Variants in PPP1R21 observed in about 807,000 individuals in gnomAD.
PPP1R21 encodes KLRAQ motif containing 1.
Under a neutral mutation model 112.8 loss-of-function variants are expected in PPP1R21, and 85 were observed. The observed-to-expected ratio is 0.75, with a 90% CI of 0.63 to 0.90. The LOEUF (loss-of-function observed/expected upper bound fraction) is 0.90. Ranked by LOEUF, PPP1R21 falls within the 40% of genes least tolerant of loss-of-function variation. PPP1R21 has a pLI of 0.00. For synonymous variants in PPP1R21, 381 were observed against 322.3 expected (o/e 1.18, Z -1.95); for missense variants, 1,199 against 901.5 (o/e 1.33, Z -4.23).
At chr2:48,499,876 T>C (rs1670028635) in intron 17 of PPP1R21, among the ~76,000 whole-genome samples, 1 of 152,212 alleles carries the variant, frequency 6.6e-6, no homozygotes, top group South Asian at 2.1e-4. Flanking sequence ...ATTAGGAAAA[T>C]CTAGAAAAAG....
chr2:48,476,272 G>C (rs558535500), intron 12 of PPP1R21, among the ~76,000 whole-genome samples: 1 of 152,260 alleles, frequency 6.6e-6, no homozygotes, highest in South Asian at 2.1e-4. Context: ...AAAAGTTGTA[G>C]CATGTATCAG....
At chr2:48,443,254 C>A (rs571647028) in intron 1 of PPP1R21, among the ~76,000 whole-genome samples, 1 of 152,128 alleles carries the variant, frequency 6.6e-6, no homozygotes, top group Non-Finnish European at 1.5e-5. Flanking sequence ...GGGAACATGA[C>A]TGCCACTGAC....
rs1670797749 is a variant in PPP1R21, at chr2:48,514,722, C to G, written c.2321C>G (p.Ser774Cys). Residue 774 changes from serine (S) to cysteine (C), a missense_variant, in exon 22 of 22, where the codon TCT (serine) becomes TGT (cysteine). By Grantham distance (112) the Ser-to-Cys change is moderately radical (BLOSUM62 -1). Transcript: ENST00000294952. ...DTLKMSSKGN[S>C]KKNKSR is the part of the protein sequence containing the mutation. ...ATATTTTTCTTTGCACAGGGGAATTCTAAAAAGAACAAGAGTCGATAGTTT... is the reference window on the plus strand; with the variant it reads ...ATATTTTTCTTTGCACAGGGGAATTGTAAAAAGAACAAGAGTCGATAGTTT... 2 of 1,607,756 alleles carry G rather than the reference C, an allele frequency of 1.2e-6. No homozygotes were observed. Among genetic ancestry groups the G allele is most frequent in the African/African-American group, 2.7e-5 (2 of 74,742 alleles).
chr2:48,474,109 G>A (rs188933327), intron 11 of PPP1R21, among the ~76,000 whole-genome samples: 9 of 152,282 alleles, frequency 5.9e-5, no homozygotes, highest in Admixed American at 3.9e-4. Flanking sequence ...ATGGCCGGGC[G>A]TGGTGGTTCA....
At chr2:48,451,111 G>A in intron 2 of PPP1R21, 35 bp downstream of exon 2, 1 of 1,562,750 alleles carries the variant, frequency 6.4e-7, no homozygotes, top group Non-Finnish European at 8.8e-7. Context: ...TGAGGGTTAA[G>A]TTAGCATTTG....
At chr2:48,513,683 C>T (rs1670738774) in intron 21 of PPP1R21, among the ~76,000 whole-genome samples, 1 of 152,136 alleles carries the variant, frequency 6.6e-6, no homozygotes, top group Non-Finnish European at 1.5e-5. Flanking sequence ...TTATGGCTGA[C>T]ATTGTCTGCA....
intron 2 of PPP1R21, among the ~76,000 whole-genome samples, chr2:48,453,290 G>A (rs1003119218): frequency 1.3e-5 from 2 of 152,084 alleles, no homozygotes; most frequent in Admixed American, 6.5e-5. Flanking sequence ...TCATCTGTTC[G>A]TTAAAGCATG....
chr2:48,501,955 A>G (rs1225111245), intron 17 of PPP1R21: 1 of 152,176 alleles, frequency 6.6e-6, no homozygotes. Flanking sequence ...TTTTCAGGTC[A>G]TTTTTGAGCA....
At chr2:48,501,870 G>A (rs1359363463) in intron 17 of PPP1R21, 1 of 151,684 alleles carries the variant, frequency 6.6e-6, no homozygotes, top group African/African-American at 2.4e-5. Flanking sequence ...CCTTACTGAG[G>A]TGCTGGAATT....
At chr2:48,512,261 G>A (rs1289864396) in intron 21 of PPP1R21, among the ~76,000 whole-genome samples, 1 of 152,092 alleles carries the variant, frequency 6.6e-6, no homozygotes, top group Non-Finnish European at 1.5e-5. Context: ...ATATGTTTAG[G>A]CTGAAATGCA....
intron 12 of PPP1R21, chr2:48,479,402 C>A: frequency 2.2e-6 from 1 of 446,384 alleles, no homozygotes; most frequent in Non-Finnish European, 4.6e-6. Context: ...TACAGATTTT[C>A]TTGAGTAAAT....
intron 20 of PPP1R21, among the ~76,000 whole-genome samples, chr2:48,510,720 C>T (rs984028440): frequency 2.0e-5 from 3 of 152,114 alleles, no homozygotes; most frequent in East Asian, 1.9e-4. Flanking sequence ...CTTTCAGGGA[C>T]GGTGCTGCCG....
At chr2:48,469,488 C>CATTT in intron 9 of PPP1R21, among the ~76,000 whole-genome samples, 1 of 44,766 alleles carries the variant, frequency 2.2e-5, no homozygotes, top group East Asian at 4.3e-4. Context: ...ATATATAGAG[C>CATTT]ATATATATAT....
intron 12 of PPP1R21, among the ~76,000 whole-genome samples, chr2:48,477,954 G>T (rs75808638): frequency 0.015 from 2,249 of 152,290 alleles, 53 homozygotes; most frequent in African/African-American, 0.049. Flanking sequence ...ATTAAAGAGA[G>T]TCCTAAATCC....
chr2:48,459,696 T>G, intron 4 of PPP1R21, 58 bp from the exon 5 acceptor site: 1 of 1,554,134 alleles, frequency 6.4e-7, no homozygotes, highest in Non-Finnish European at 8.7e-7. Flanking sequence ...TGCTGTTATT[T>G]TTCTCATTTA....
chr2:48,489,893 A>T, intron 14 of PPP1R21, among the ~76,000 whole-genome samples: 1 of 152,006 alleles, frequency 6.6e-6, no homozygotes, highest in Admixed American at 6.6e-5. Flanking sequence ...AAAGTACAAA[A>T]ATTAGCTGGG....
At position 48,494,204 on chromosome 2, in the gene PPP1R21, A is replaced by C. The variant is rs997137673; in HGVS notation, c.1600-1475A>C. On this transcript the variant is annotated intron_variant, in intron 15 of 21. Coordinates refer to ENST00000294952, the MANE Select transcript of PPP1R21 (RefSeq NM_001135629.3). ...CAGTGAGTCGTGATCACGCTACTGCACTCCAGCCCAGGGCGACAAAGTGAG... is the reference window on the plus strand; with the variant it reads ...CAGTGAGTCGTGATCACGCTACTGCCCTCCAGCCCAGGGCGACAAAGTGAG... 4.5e-4 allele frequency among the ~76,000 whole-genome samples: 61 copies of C among 135,442 alleles called. 1 individual carries two copies. Among genetic ancestry groups the C allele is most frequent in the African/African-American group, 1.6e-3 (59 of 36,460 alleles). 88.9% of individuals were successfully genotyped at this position (135,442 alleles called of 152,430 possible). A position where few individuals can be genotyped will look rare whatever the true frequency, so the allele number is the denominator to read the frequency against.
At chr2:48,463,739 A>T (rs184909394) in intron 7 of PPP1R21, among the ~76,000 whole-genome samples, 7 of 152,206 alleles carry the variant, frequency 4.6e-5, no homozygotes, top group African/African-American at 1.7e-4. Flanking sequence ...GGGAGTGATT[A>T]TGTCCTAAGG....
chr2:48,444,861 CTTT>C (rs397944972), intron 1 of PPP1R21, among the ~76,000 whole-genome samples: 12 of 137,194 alleles, frequency 8.7e-5, no homozygotes, highest in Non-Finnish European at 8.0e-5. Context: ...TTTTAAAGTT[CTTT>C]TTTTTTTTTT....
Sources: gnomAD v4.1 joint callset for allele counts (sites outside exome capture counted in the v4.1 genomes callset) on GRCh38, gnomAD v4.1.1 for gene constraint, MANE v1.5 for transcripts, NCBI Gene and HGNC (gene_info 2026-07-23, HGNC 2026-07-21) for gene names.